ROS1: variants seen among roughly 807,000 people sequenced by gnomAD.
ROS1 encodes the protein proto-oncogene tyrosine-protein kinase ROS.
In ROS1, 263 loss-of-function variants were observed where a neutral mutation model predicts 273.5. The observed-to-expected ratio is 0.96, with a 90% CI of 0.87 to 1.06. ROS1 has a LOEUF of 1.06. Ranked by LOEUF, ROS1 falls within the 50% of genes least tolerant of loss-of-function variation. The pLI, the probability that ROS1 is intolerant of heterozygous loss-of-function variation, is 0.00. For synonymous variants in ROS1, 1,008 were observed against 954.1 expected (o/e 1.06, Z -1.04); for missense variants, 2,833 against 2,751.1 (o/e 1.03, Z -0.67).
Position 117,344,232 on chromosome 6 carries a change from G to A in ROS1, c.4334C>T (p.Thr1445Ile). 2 of 1,613,940 alleles carry A rather than the reference G, an allele frequency of 1.2e-6. No individual in the cohort carries two copies. Among genetic ancestry groups the A allele is most frequent in the Middle Eastern group, 1.6e-4 (1 of 6,062 alleles). The change falls in exon 28 of 44, where the codon ACT (threonine) becomes ATT (isoleucine). Residue 1445 changes from threonine to isoleucine, a missense_variant. Transcript: ENST00000368507. ...GGCATTAAGTATAGTTGGTTCCACAGTGTCTGAAGCTAGAGACAGAAACGC... is the reference window on the plus strand; with the variant it reads ...GGCATTAAGTATAGTTGGTTCCACAATGTCTGAAGCTAGAGACAGAAACGC... ...DKAFLSLASD[T>I]VEPTILNATN... is the part of the protein sequence containing the mutation.
chr6:117,368,501 A>G (rs891079468), intron 18 of ROS1, among the ~76,000 whole-genome samples: 3 of 152,198 alleles, frequency 2.0e-5, no homozygotes, highest in African/African-American at 7.2e-5. Context: ...GACAGCAATC[A>G]GTTTATCTCA....
chr6:117,383,584 T>A, intron 16 of ROS1, 76 bp from the exon 17 acceptor site: 1 of 1,104,198 alleles, frequency 9.1e-7, no homozygotes, highest in South Asian at 1.3e-5. Flanking sequence ...TTGCAATCAT[T>A]AATAAATTGC....
intron 7 of ROS1, among the ~76,000 whole-genome samples, chr6:117,402,832 G>A (rs1774057909): frequency 6.7e-6 from 1 of 149,234 alleles, no homozygotes; most frequent in African/African-American, 2.5e-5. Flanking sequence ...AGGTTGCAGT[G>A]AGCCAAGATC....
chr6:117,323,123 A>C (rs183201550), intron 35 of ROS1, among the ~76,000 whole-genome samples: 1 of 152,286 alleles, frequency 6.6e-6, no homozygotes. Flanking sequence ...CACAAACATC[A>C]GCTGTGCAAT....
At chr6:117,293,766 GTTAA>G (rs570888168) in intron 43 of ROS1, among the ~76,000 whole-genome samples, 6 of 152,096 alleles carry the variant, frequency 3.9e-5, no homozygotes, top group Admixed American at 1.3e-4. Context: ...TCATGATTGT[GTTAA>G]TTAATAAAGT....
At chr6:117,399,306 T>C (rs1019154249) in intron 7 of ROS1, among the ~76,000 whole-genome samples, 4 of 152,214 alleles carry the variant, frequency 2.6e-5, no homozygotes, top group South Asian at 4.1e-4. Context: ...GGATAACATA[T>C]GGCATTGCTT....
Position 117,344,076 on chromosome 6 carries a change from A to C in ROS1, c.4490T>G (p.Leu1497Trp). The C allele has an allele frequency of 6.2e-7, 1 of 1,613,220 alleles. No homozygotes were observed. The highest frequency in any genetic ancestry group is 8.5e-7 in the Non-Finnish European group (1 of 1,179,228). The change falls in exon 28 of 44, where the codon TTG becomes TGG. Residue 1497 changes from leucine to tryptophan, a missense_variant. Coordinates refer to ENST00000368507, the MANE Select transcript of ROS1 (RefSeq NM_001378902.1). The stretch of plus-strand genomic sequence containing the variant: ...CAATCTTACCAGAATTCTATATTTC[A>C]AGTCAGAGCTGTTTTTCCTGTCATT... ...EVNDRKNSSD[L>W]KYRILEFQDS...
In ROS1 at chr6:117,360,092, G is replaced by A. The variant is rs1449550459; in HGVS notation, c.3431-81C>T. The A allele has an allele frequency of 5.2e-6, 6 of 1,147,024 alleles. No homozygotes were observed. The Admixed American group carries it at 1.3e-4, about 24-fold the overall frequency. 71.1% of individuals were successfully genotyped at this position (1,147,024 alleles called of 1,614,324 possible). A position where few individuals can be genotyped will look rare whatever the true frequency, so the allele number is the denominator to read the frequency against. ...CAAAGTCTCGATTTAATATCTGGCA[G>A]TTTTGAAGTCCATGGGCTCCCTTTG... is the stretch of plus-strand genomic sequence containing the variant. On this transcript the variant is annotated intron_variant, in intron 23 of 43. Coordinates refer to ENST00000368507, the MANE Select transcript of ROS1 (RefSeq NM_001378902.1).
rs878999513 is a variant in ROS1, at chr6:117,389,521, C to T, written c.1615G>A (p.Val539Met). 7 of 1,614,160 alleles carry T rather than the reference C, an allele frequency of 4.3e-6. No individual in the cohort carries two copies. The highest frequency in any genetic ancestry group is 1.6e-4 in the Middle Eastern group (1 of 6,062). Reference sequence around the variant, plus strand: ...TCTATGTGACTCAGGTCACATCCCACGATGAATTCATTAAAAGACAAAGCA... The same window carrying T: ...TCTATGTGACTCAGGTCACATCCCATGATGAATTCATTAAAAGACAAAGCA... ...QDALSFNEFI[V>M]GCDLSHIEEF... is the part of the protein sequence containing the mutation. The change falls in exon 13 of 44, where the codon GTG becomes ATG. Residue 539 changes from valine to methionine, a missense_variant. Transcript: ENST00000368507.
chr6:117,414,975 C>T (rs1400052904), intron 3 of ROS1, among the ~76,000 whole-genome samples: 1 of 151,854 alleles, frequency 6.6e-6, no homozygotes, highest in Non-Finnish European at 1.5e-5. Flanking sequence ...GATTGTTTCC[C>T]AGCAACAAAT....
Position 117,394,218 on chromosome 6 carries a change from A to G in ROS1, c.1135T>C (p.Ser379Pro), listed in dbSNP as rs56274823. The change falls in exon 11 of 44, where the codon TCT becomes CCT. Residue 379 changes from serine (S) to proline (P), a missense_variant. By Grantham distance (74) the Ser-to-Pro change is moderately conservative. Coordinates refer to ENST00000368507, the MANE Select transcript of ROS1 (RefSeq NM_001378902.1). ...TAAAGCCAATCTATGGAGATAGAAGAAATTAATCCTGAACCTCTGTAAAAA... is the reference window on the plus strand; with the variant it reads ...TAAAGCCAATCTATGGAGATAGAAGGAATTAATCCTGAACCTCTGTAAAAA... ...RIFYRGSGLI[S>P]SISIDWLYQR... 2.8e-3 allele frequency: 4,555 copies of G among 1,605,970 alleles called. 10 individuals are homozygous for G. Among genetic ancestry groups the G allele is most frequent in the Non-Finnish European group, 3.5e-3 (4,144 of 1,176,852 alleles).
In ROS1 at chr6:117,342,565, A is replaced by G. The variant is rs552184148; in HGVS notation, c.4507-21T>C. 74 of 1,400,476 alleles carry G rather than the reference A, an allele frequency of 5.3e-5. No homozygotes were observed. In the Admixed American group the frequency reaches 1.2e-3, roughly 23 times the overall value. The allele number at this position is 1,400,476 out of a possible 1,614,324, so 86.8% of individuals were successfully genotyped here. A position where few individuals can be genotyped will look rare whatever the true frequency, so the allele number is the denominator to read the frequency against. ...AATTCCTGTAATTGATTTTTTAAAA[A>G]TCAACATCTTATTTTTAACATTTTA... On this transcript the variant is annotated intron_variant, in intron 28 of 43. Transcript: ENST00000368507.
At chr6:117,314,697 C>T (rs1775778963) in intron 39 of ROS1, among the ~76,000 whole-genome samples, 2 of 152,094 alleles carry the variant, frequency 1.3e-5, no homozygotes, top group Admixed American at 6.6e-5. Context: ...AGACCTCCAG[C>T]CCCCTCTAAA....
chr6:117,372,838 G>A (rs1443152805), intron 18 of ROS1, among the ~76,000 whole-genome samples: 1 of 152,190 alleles, frequency 6.6e-6, no homozygotes, highest in South Asian at 2.1e-4. Flanking sequence ...CTGTGGAAAA[G>A]GATCCATTCG....
chr6:117,369,218 T>C (rs1780531707), intron 18 of ROS1, among the ~76,000 whole-genome samples: 1 of 152,216 alleles, frequency 6.6e-6, no homozygotes, highest in Non-Finnish European at 1.5e-5. Flanking sequence ...CCCTTTGTTA[T>C]CTCACTGGGA....
In ROS1 at chr6:117,418,321, CATT is replaced by C. The variant is rs1283877176; in HGVS notation, c.168+138_168+140del. On this transcript the variant is annotated intron_variant, in intron 2 of 43. Coordinates refer to ENST00000368507, the MANE Select transcript of ROS1 (RefSeq NM_001378902.1). ...CATTTTTATATAAATTCAGACTTCT[CATT>C]ATTTTCAATTTGTCTTCTTCCAGCA... 22 of 651,424 alleles carry C rather than the reference CATT, an allele frequency of 3.4e-5. No homozygotes were observed. In the Admixed American group the frequency reaches 3.5e-4, roughly 10 times the overall value. 40.4% of individuals were successfully genotyped at this position (651,424 alleles called of 1,614,324 possible).
chr6:117,396,118 G>T, intron 9 of ROS1, 70 bp downstream of exon 9: 4 of 1,151,194 alleles, frequency 3.5e-6, no homozygotes, highest in Non-Finnish European at 5.2e-6. Context: ...GTGACCCAGG[G>T]CTTCTGGCTC....
intron 17 of ROS1, among the ~76,000 whole-genome samples, chr6:117,379,462 G>A (rs1183256326): frequency 6.6e-6 from 1 of 152,066 alleles, no homozygotes; most frequent in Non-Finnish European, 1.5e-5. Context: ...GCATCACCTG[G>A]AAGCTTGGAA....
chr6:117,387,084 T>A (rs1772644567), intron 14 of ROS1, 85 bp from the exon 15 acceptor site: 2 of 593,300 alleles, frequency 3.4e-6, no homozygotes, highest in Non-Finnish European at 5.9e-6. Flanking sequence ...CTATGCCTTA[T>A]ATCTTATGAT....
Sources: allele counts gnomAD v4.1 joint callset (sites outside exome capture counted in the v4.1 genomes callset), GRCh38; gene constraint gnomAD v4.1.1; transcripts MANE v1.5; gene names NCBI Gene and HGNC (gene_info 2026-07-23, HGNC 2026-07-21).